The following GNG7 variants were observed in gnomAD, a reference collection of about 807,000 sequenced individuals.
GNG7 encodes G protein subunit gamma 7, also known as guanine nucleotide-binding protein G(I)/G(S)/G(O) subunit gamma-7.
A neutral mutation model predicts 4.0 loss-of-function variants in GNG7; 1 was observed. The ratio of observed to expected loss-of-function variants is 0.25; its 90% CI spans 0.09 to 1.18. The LOEUF is 1.18. Among genes scored for constraint, GNG7 ranks in the 50% most tolerant of loss-of-function variants. GNG7 has a pLI of 0.50. For synonymous variants in GNG7, 34 were observed against 36.9 expected (o/e 0.92, Z 0.29); for missense variants, 86 against 91.9 (o/e 0.94, Z 0.26).
chr19:2,662,647 T>G (rs1002518580), intron 1 of GNG7, among the ~76,000 whole-genome samples: 1 of 152,220 alleles, frequency 6.6e-6, no homozygotes, highest in Non-Finnish European at 1.5e-5. Context: ...AAAGCTTCCT[T>G]GGCATGCTAC....
intron 2 of GNG7, among the ~76,000 whole-genome samples, chr19:2,601,134 C>G (rs1428938677): frequency 1.3e-5 from 2 of 151,962 alleles, no homozygotes; most frequent in Admixed American, 1.3e-4. Flanking sequence ...GACCTCCCCC[C>G]CGCCACCATC....
At chr19:2,679,366 A>G (rs1983673464) in intron 1 of GNG7, among the ~76,000 whole-genome samples, 1 of 152,144 alleles carries the variant, frequency 6.6e-6, no homozygotes, top group South Asian at 2.1e-4. Context: ...TAATATTTAT[A>G]CATAATATAT....
chr19:2,642,596 G>A (rs1982537857), intron 2 of GNG7: 3 of 361,670 alleles, frequency 8.3e-6, no homozygotes, highest in Admixed American at 7.4e-5. Context: ...AAACTCTCAG[G>A]CTCAAACGAT....
rs116747406 is a variant in GNG7, at chr19:2,544,267, G to A, written c.-38+10882C>T. Among the ~76,000 whole-genome samples, 467 of 152,280 alleles carry A rather than the reference G, an allele frequency of 3.1e-3. 2 individuals carry two copies. The highest frequency in any genetic ancestry group is 0.011 in the African/African-American group (454 of 41,556). On this transcript the variant is annotated intron_variant, in intron 3 of 4. Transcript: ENST00000382159. ...TCCGAGGCACTGTGAGGAACAAGTCGCCTTCGTACAGTGGCTGGGGCAGCT... is the reference window on the plus strand; with the variant it reads ...TCCGAGGCACTGTGAGGAACAAGTCACCTTCGTACAGTGGCTGGGGCAGCT...
chr19:2,608,924 A>C (rs1052250774), intron 2 of GNG7, among the ~76,000 whole-genome samples: 2 of 152,208 alleles, frequency 1.3e-5, no homozygotes, highest in African/African-American at 4.8e-5. Context: ...ATAATGTAAA[A>C]TTAAGCATTT....
chr19:2,525,158 C>A (rs1978351797), intron 3 of GNG7, among the ~76,000 whole-genome samples: 1 of 152,106 alleles, frequency 6.6e-6, no homozygotes, highest in Non-Finnish European at 1.5e-5. Flanking sequence ...GGGTGCCGGG[C>A]ACCCCGACCT....
chr19:2,590,193 C>G (rs1234666093), intron 2 of GNG7, among the ~76,000 whole-genome samples: 1 of 152,090 alleles, frequency 6.6e-6, no homozygotes, highest in Non-Finnish European at 1.5e-5. Flanking sequence ...GGTTGGGCCT[C>G]TTATCCAGGT....
chr19:2,688,394 G>T (rs993503384), intron 1 of GNG7, among the ~76,000 whole-genome samples: 1 of 152,164 alleles, frequency 6.6e-6, no homozygotes. Flanking sequence ...GTGGGCTAAG[G>T]CCACCTGGGC....
At chr19:2,553,635 TGTAATATGTTATATTA>T (rs1979423742) in intron 3 of GNG7, among the ~76,000 whole-genome samples, 1 of 83,240 alleles carries the variant, frequency 1.2e-5, no homozygotes, top group Non-Finnish European at 2.7e-5. Context: ...ACACGTTACA[TGTAATATGTTATATTA>T]CATACATGCA....
At chr19:2,657,353 AAAAAAAAAATATATATATATAT>A (rs1459855475) in intron 1 of GNG7, among the ~76,000 whole-genome samples, 15 of 20,778 alleles carry the variant, frequency 7.2e-4, no homozygotes, top group African/African-American at 1.1e-3. Context: ...AAAAAAAAAA[AAAAAAAAAATATATATATATAT>A]ATATATATAT....
intron 2 of GNG7, among the ~76,000 whole-genome samples, chr19:2,591,462 T>G (rs866225917): frequency 6.6e-5 from 10 of 151,058 alleles, no homozygotes; most frequent in East Asian, 5.8e-4. Flanking sequence ...GGTTTTTTTT[T>G]TTTTTTTTTT....
chr19:2,637,185 C>T (rs996872438), intron 2 of GNG7, among the ~76,000 whole-genome samples: 4 of 149,366 alleles, frequency 2.7e-5, no homozygotes, highest in African/African-American at 9.9e-5. Flanking sequence ...CTCTGCAAAT[C>T]GAGCTTCAGA....
intron 1 of GNG7, among the ~76,000 whole-genome samples, chr19:2,651,456 C>T (rs1024597616): frequency 3.5e-5 from 5 of 144,638 alleles, no homozygotes; most frequent in Non-Finnish European, 7.6e-5. Context: ...TCCTTTCCTC[C>T]CTCTCTTTCT....
At chr19:2,521,612 G>GTTTTT (rs71178284) in intron 3 of GNG7, among the ~76,000 whole-genome samples, 39,744 of 103,572 alleles carry the variant, frequency 0.38, 8,446 homozygotes, top group Non-Finnish European at 0.43. Flanking sequence ...CCCCCTCCGT[G>GTTTTT]TTTTTTTTTT....
At position 2,614,586 on chromosome 19, in the gene GNG7, C is replaced by T. The variant is rs1164791556; in HGVS notation, c.-78+31638G>A. 1.3e-5 allele frequency among the ~76,000 whole-genome samples: 2 copies of T among 152,162 alleles called. No individual in the cohort carries two copies. The highest frequency in any genetic ancestry group is 2.1e-4 in the South Asian group (1 of 4,826). Reference sequence around the variant, plus strand: ...GGCATCTCTCACTGAGTGTGACATCCTCAAGGGGCATCCAGGCTGCACGTG... The same window carrying T: ...GGCATCTCTCACTGAGTGTGACATCTTCAAGGGGCATCCAGGCTGCACGTG... On this transcript the variant is annotated intron_variant, in intron 2 of 4. Transcript: ENST00000382159. The surrounding 1 kb of genome is among the most constrained non-coding windows in gnomAD (Gnocchi z 6.0).
intron 1 of GNG7, among the ~76,000 whole-genome samples, chr19:2,677,319 C>A (rs1983619742): frequency 6.6e-6 from 1 of 151,056 alleles, no homozygotes; most frequent in Non-Finnish European, 1.5e-5. Flanking sequence ...TCCTTCTGGT[C>A]CCCAGGGGAT....
chr19:2,622,420 T>C, intron 2 of GNG7, among the ~76,000 whole-genome samples: 1 of 152,212 alleles, frequency 6.6e-6, no homozygotes. Flanking sequence ...GGATAAGCCC[T>C]GCAGAAGTCA....
At chr19:2,575,869 ACAGGCACACG>A (rs1267131617) in intron 2 of GNG7, among the ~76,000 whole-genome samples, 32 of 129,380 alleles carry the variant, frequency 2.5e-4, no homozygotes, top group African/African-American at 4.4e-4. Flanking sequence ...ACACGCAGAC[ACAGGCACACG>A]CAGGCACACG....
intron 1 of GNG7, among the ~76,000 whole-genome samples, chr19:2,661,273 A>AAGGAAG (rs1568277681): frequency 5.0e-4 from 24 of 48,062 alleles, no homozygotes; most frequent in Middle Eastern, 9.1e-3. Flanking sequence ...AAGAAAGAAA[A>AAGGAAG]GAAAGAAAGA....
Sources: gnomAD v4.1 joint callset for allele counts (sites outside exome capture counted in the v4.1 genomes callset) on GRCh38, gnomAD v4.1.1 for gene constraint, Gnocchi (gnomAD v3.1) non-coding constraint, MANE v1.5 for transcripts, NCBI Gene and HGNC (gene_info 2026-07-23, HGNC 2026-07-21) for gene names.